The following PRIM2 variants were observed in gnomAD, a reference collection of about 807,000 sequenced individuals.
PRIM2 encodes DNA primase large subunit.
In PRIM2, 39 loss-of-function variants were observed where a neutral mutation model predicts 67.3. The ratio of observed to expected loss-of-function variants is 0.58; its 90% confidence interval spans 0.45 to 0.76. The LOEUF (loss-of-function observed/expected upper bound fraction) is 0.76. Among genes scored for constraint, PRIM2 ranks in the 30% least tolerant of loss-of-function variants. PRIM2 has a pLI of 0.00. For missense variants in PRIM2, 398 were observed against 598.7 expected, an observed-to-expected ratio of 0.66 and a Z score of 3.50; for synonymous variants, 143 against 198.7, an observed-to-expected ratio of 0.72 and a Z score of 2.36.
At chr6:57,296,296 C>T in the PRIM2 span, among the ~76,000 whole-genome samples, 5 of 151,956 alleles carry the variant, frequency 3.3e-5, no homozygotes, top group African/African-American at 1.2e-4. Context: ...TTATTTTTCA[C>T]AGGGGTATGA....
At chr6:57,609,337 G>T (rs1776622521) in intron 12 of PRIM2, among the ~76,000 whole-genome samples, 1 of 152,128 alleles carries the variant, frequency 6.6e-6, no homozygotes, top group African/African-American at 2.4e-5. Context: ...AGTTGATGGA[G>T]TGTATCAACT....
In PRIM2 at chr6:57,437,655, A is replaced by G. The variant is rs577612380; in HGVS notation, c.693+55487A>G. On this transcript the variant is annotated intron_variant, in intron 7 of 13. Transcript: ENST00000615550. ...TAACAACTAACAAAGATCCTTGGGA[A>G]GGATTCCTTTTTTTTTTTTTTTTTT... Among the ~76,000 whole-genome samples, 3 of 143,988 alleles carry G rather than the reference A, an allele frequency of 2.1e-5. No homozygotes were observed. In the South Asian group the frequency reaches 6.7e-4, roughly 32 times the overall value. 94.5% of individuals were successfully genotyped at this position (143,988 alleles called of 152,430 possible).
intron 12 of PRIM2, among the ~76,000 whole-genome samples, chr6:57,613,475 A>G (rs1776701007): frequency 6.6e-6 from 1 of 152,218 alleles, no homozygotes. Flanking sequence ...TAGCAGTAGT[A>G]CTAGATGACT....
chr6:57,234,010 GAATA>G, the PRIM2 span, among the ~76,000 whole-genome samples: 1 of 151,978 alleles, frequency 6.6e-6, no homozygotes, highest in Non-Finnish European at 1.5e-5. Context: ...TAGTGTGTAC[GAATA>G]AATAGATGTA....
chr6:57,225,083 C>T, the PRIM2 span, among the ~76,000 whole-genome samples: 2 of 152,256 alleles, frequency 1.3e-5, no homozygotes, highest in South Asian at 4.2e-4. Context: ...TTCACAAGTC[C>T]CACCCCTTTT....
chr6:57,363,484 G>A (rs1769260592), intron 5 of PRIM2, among the ~76,000 whole-genome samples: 2 of 152,122 alleles, frequency 1.3e-5, no homozygotes, highest in African/African-American at 4.8e-5. Context: ...GAAGAAATAA[G>A]AGATTGTCTC....
At chr6:57,280,573 G>T in the PRIM2 span, among the ~76,000 whole-genome samples, 4,793 of 152,038 alleles carry the variant, frequency 0.032, 258 homozygotes, top group African/African-American at 0.11. Context: ...GCAACGGCAT[G>T]GTCTTGGCTC....
intron 7 of PRIM2, among the ~76,000 whole-genome samples, chr6:57,401,221 TG>T (rs962808196): frequency 3.3e-5 from 5 of 152,172 alleles, no homozygotes; most frequent in African/African-American, 9.7e-5. Flanking sequence ...TTCTCATCTC[TG>T]CATATGGCTG....
the PRIM2 span, among the ~76,000 whole-genome samples, chr6:57,235,024 T>C: frequency 2.0e-5 from 3 of 150,024 alleles, no homozygotes; most frequent in Non-Finnish European, 4.4e-5. Flanking sequence ...AATAACCGAG[T>C]GTGATGACAC....
At chr6:57,257,903 T>C in the PRIM2 span, among the ~76,000 whole-genome samples, 1 of 152,216 alleles carries the variant, frequency 6.6e-6, no homozygotes, top group Non-Finnish European at 1.5e-5. Context: ...CCAAGGGTTA[T>C]TATTTTGTCC....
chr6:57,477,101 C>T (rs1357927317), intron 7 of PRIM2, among the ~76,000 whole-genome samples: 60 of 152,286 alleles, frequency 3.9e-4, no homozygotes, highest in African/African-American at 1.4e-3. Context: ...ATCGATCCTC[C>T]CACTGCAGCC....
chr6:57,506,770 A>G (rs1360330073), intron 7 of PRIM2, among the ~76,000 whole-genome samples: 4 of 152,066 alleles, frequency 2.6e-5, no homozygotes, highest in Non-Finnish European at 5.9e-5. Flanking sequence ...TATTTTGATG[A>G]TATGCTGTCA....
chr6:57,382,446 T>A, intron 7 of PRIM2: 1 of 264,492 alleles, frequency 3.8e-6, no homozygotes, highest in Non-Finnish European at 7.1e-6. Context: ...CATGGTCATG[T>A]CTTTTTTCCT....
At chr6:57,486,274 A>G (rs1162584886) in intron 7 of PRIM2, among the ~76,000 whole-genome samples, 1 of 152,232 alleles carries the variant, frequency 6.6e-6, no homozygotes, top group East Asian at 1.9e-4. Context: ...CCATTTATGC[A>G]TAGTGTTCCA....
intron 7 of PRIM2, among the ~76,000 whole-genome samples, chr6:57,445,301 G>A (rs1378070461): frequency 6.6e-6 from 1 of 152,130 alleles, no homozygotes; most frequent in Non-Finnish European, 1.5e-5. Context: ...AGAGTTAGGA[G>A]AGGGGTGTGT....
the PRIM2 span, among the ~76,000 whole-genome samples, chr6:57,301,944 C>T: frequency 5.3e-5 from 8 of 152,310 alleles, no homozygotes; most frequent in Admixed American, 4.6e-4. Context: ...TCTGGTTCTG[C>T]TTTTCTTTGC....
intron 7 of PRIM2, among the ~76,000 whole-genome samples, chr6:57,414,645 G>A (rs1771200158): frequency 6.6e-6 from 1 of 152,098 alleles, no homozygotes; most frequent in South Asian, 2.1e-4. Flanking sequence ...TAGCTAGATG[G>A]TAGTAGCGGA....
chr6:57,272,850 T>G, the PRIM2 span, among the ~76,000 whole-genome samples: 1 of 152,178 alleles, frequency 6.6e-6, no homozygotes, highest in Non-Finnish European at 1.5e-5. Flanking sequence ...AGCATTTGCT[T>G]GTCTGTGAAG....
At chr6:57,249,977 A>G in the PRIM2 span, among the ~76,000 whole-genome samples, 1 of 152,186 alleles carries the variant, frequency 6.6e-6, no homozygotes, top group Non-Finnish European at 1.5e-5. Context: ...TGCTGTTGGG[A>G]GGACCAGTAT....
Sources: gnomAD v4.1 joint callset for allele counts (sites outside exome capture counted in the v4.1 genomes callset) on GRCh38, gnomAD v4.1.1 for gene constraint, MANE v1.5 for transcripts, NCBI Gene and HGNC (gene_info 2026-07-23, HGNC 2026-07-21) for gene names.